ACACA: variants seen among roughly 807,000 people sequenced by gnomAD.
ACACA encodes acetyl-CoA carboxylase alpha.
ACACA carries 103 observed loss-of-function variants against 296.1 expected under a neutral mutation model. That is an observed-to-expected ratio of 0.35 (90% CI 0.30 to 0.41). ACACA has a LOEUF of 0.41. Among genes scored for constraint, ACACA ranks in the 10% least tolerant of loss-of-function variants. ACACA has a pLI of 1.00. For missense variants in ACACA, 1,554 were observed against 2,989.7 expected (o/e 0.52, Z 11.20); for synonymous variants, 953 against 1,038.6 (o/e 0.92, Z 1.58).
chr17:37,121,300 C>A, intron 50 of ACACA, 55 bp downstream of exon 50: 1 of 1,612,486 alleles, frequency 6.2e-7, no homozygotes, highest in Admixed American at 1.7e-5. Context: ...CTCCCTCTGC[C>A]GCAGAGTGCC....
intron 5 of ACACA, among the ~76,000 whole-genome samples, chr17:37,282,107 TAGG>T (rs1319599637): frequency 6.6e-6 from 1 of 152,242 alleles, no homozygotes; most frequent in Admixed American, 6.5e-5. Flanking sequence ...TGGGGCCTGG[TAGG>T]AGGTGTTTGG....
intron 52 of ACACA, among the ~76,000 whole-genome samples, chr17:37,098,981 T>C (rs559375641): frequency 1.1e-3 from 166 of 152,274 alleles, no homozygotes; most frequent in African/African-American, 3.6e-3. Context: ...GAGCAATAGG[T>C]GACAGCCCCT....
chr17:37,278,118 C>A (rs1394064651), intron 5 of ACACA, 113 bp from the exon 6 acceptor site: 1 of 785,668 alleles, frequency 1.3e-6, no homozygotes, highest in Non-Finnish European at 2.2e-6. Context: ...ACAGGACAAA[C>A]AGCATTAGTA....
intron 2 of ACACA, among the ~76,000 whole-genome samples, chr17:37,337,990 G>A (rs901064045): frequency 6.6e-6 from 1 of 151,672 alleles, no homozygotes; most frequent in Non-Finnish European, 1.5e-5. Flanking sequence ...CCAGCTACTC[G>A]AGAGGCTGAG....
Position 37,221,763 on chromosome 17 carries a change from A to G in ACACA, c.3644T>C (p.Val1215Ala). Residue 1215 changes from valine (V) to alanine (A), a missense_variant, in exon 29 of 56, where the codon GTG becomes GCG. Coordinates refer to ENST00000616317, the MANE Select transcript of ACACA (RefSeq NM_198834.3). ...HRQLKDNTCVVEFQFMLPTSH... is the reference protein window; with the variant it reads ...HRQLKDNTCVAEFQFMLPTSH... ...TGTGGGCAGCATGAACTGGAATTCC[A>G]CCACACAGGTGTTGTCCTTAAGCTG... 6.2e-7 allele frequency: 1 copy of G among 1,614,196 alleles called. No homozygotes were observed. The highest frequency in any genetic ancestry group is 8.5e-7 in the Non-Finnish European group (1 of 1,180,014).
intron 23 of ACACA, 43 bp downstream of exon 23, chr17:37,241,910 T>G: frequency 1.9e-4 from 279 of 1,504,866 alleles, no homozygotes; most frequent in Non-Finnish European, 2.4e-4. Context: ...AAGGAAGACA[T>G]GAGTATGGAC....
intron 1 of ACACA, among the ~76,000 whole-genome samples, chr17:37,381,828 C>T (rs191624838): frequency 4.4e-4 from 66 of 151,718 alleles, no homozygotes; most frequent in East Asian, 3.5e-3. Context: ...GGGGTTTCAC[C>T]GTGTTGGCCA....
At chr17:37,120,205 T>C (rs1260546787) in intron 50 of ACACA, among the ~76,000 whole-genome samples, 3 of 151,342 alleles carry the variant, frequency 2.0e-5, no homozygotes, top group African/African-American at 7.3e-5. Flanking sequence ...CCTAAGCATT[T>C]TCTAATCACT....
chr17:37,169,042 C>T (rs1273078257), intron 41 of ACACA, among the ~76,000 whole-genome samples: 2 of 152,126 alleles, frequency 1.3e-5, no homozygotes, highest in African/African-American at 4.8e-5. Flanking sequence ...AACATATGTA[C>T]ATAAAAGGAC....
intron 1 of ACACA, among the ~76,000 whole-genome samples, chr17:37,372,926 G>C (rs1021553857): frequency 6.6e-6 from 1 of 151,874 alleles, no homozygotes; most frequent in African/African-American, 2.4e-5. Context: ...TGTCACCCAG[G>C]CTGGAGTGCA....
intron 41 of ACACA, among the ~76,000 whole-genome samples, chr17:37,166,924 C>A (rs1184995267): frequency 6.6e-6 from 1 of 152,006 alleles, no homozygotes; most frequent in Non-Finnish European, 1.5e-5. Context: ...AGTAACCTGT[C>A]CTTATAGCTA....
intron 1 of ACACA, among the ~76,000 whole-genome samples, chr17:37,368,246 T>G (rs1714624): frequency 0.054 from 8,196 of 152,208 alleles, 734 homozygotes; most frequent in African/African-American, 0.19. Flanking sequence ...CACTCCAGCC[T>G]GGGTGACAGA....
At chr17:37,173,150 G>C (rs1455877833) in intron 41 of ACACA, among the ~76,000 whole-genome samples, 1 of 152,142 alleles carries the variant, frequency 6.6e-6, no homozygotes, top group Non-Finnish European at 1.5e-5. Context: ...TGGGTCCTGT[G>C]TTCATGAGAA....
At chr17:37,301,346 A>ACAG in intron 3 of ACACA, 1 of 984,108 alleles carries the variant, frequency 1.0e-6, no homozygotes, top group Non-Finnish European at 1.2e-6. Flanking sequence ...CCCCCTTTTA[A>ACAG]TCTACCATGA....
intron 1 of ACACA, among the ~76,000 whole-genome samples, chr17:37,403,825 C>A (rs544157127): frequency 5.9e-5 from 9 of 152,282 alleles, no homozygotes; most frequent in African/African-American, 2.2e-4. Flanking sequence ...GTTGAACAGG[C>A]TGGAGGGCAG....
chr17:37,231,041 C>T (rs926202784), intron 25 of ACACA, among the ~76,000 whole-genome samples: 3 of 152,184 alleles, frequency 2.0e-5, no homozygotes, highest in East Asian at 1.9e-4. Flanking sequence ...GGAAATAGTT[C>T]GAATTTGCAG....
intron 10 of ACACA, among the ~76,000 whole-genome samples, chr17:37,268,741 C>CTATATA (rs71368449): frequency 0.017 from 1,597 of 94,414 alleles, 18 homozygotes; most frequent in African/African-American, 0.022. Flanking sequence ...ATCTATCTAT[C>CTATATA]TATATATATA....
intron 52 of ACACA, among the ~76,000 whole-genome samples, chr17:37,104,033 A>G (rs916932393): frequency 6.6e-6 from 1 of 152,226 alleles, no homozygotes; most frequent in African/African-American, 2.4e-5. Flanking sequence ...AGGAGTGTCC[A>G]ATCTTTTGGC....
intron 45 of ACACA, among the ~76,000 whole-genome samples, chr17:37,143,283 CTT>C (rs79160054): frequency 1.0e-3 from 139 of 137,262 alleles, no homozygotes; most frequent in South Asian, 7.4e-3. Flanking sequence ...ACAGCTGCAA[CTT>C]TTTTTTTTTT....
Sources: allele counts gnomAD v4.1 joint callset (sites outside exome capture counted in the v4.1 genomes callset), GRCh38; gene constraint gnomAD v4.1.1; transcripts MANE v1.5; gene names NCBI Gene and HGNC (gene_info 2026-07-23, HGNC 2026-07-21).